Variants in NF1 observed in about 807,000 individuals in gnomAD.
The protein encoded by NF1 is neurofibromin.
NF1 carries 122 observed loss-of-function variants against 325.7 expected under a neutral mutation model. The ratio of observed to expected loss-of-function variants is 0.37; its 90% CI spans 0.32 to 0.44. NF1 has a LOEUF of 0.44. Ranked by LOEUF, NF1 falls within the 20% of genes least tolerant of loss-of-function variation. NF1 has a pLI of 1.00. For synonymous variants in NF1, 1,091 were observed against 1,186.0 expected (o/e 0.92, Z 1.65); for missense variants, 2,140 against 3,415.4 (o/e 0.63, Z 9.31).
At chr17:31,359,290 G>C (rs2070347714) in intron 56 of NF1, 1 of 439,922 alleles carries the variant, frequency 2.3e-6, no homozygotes. Flanking sequence ...TTCTGCCACA[G>C]TCCCTTGTGT....
intron 8 of NF1, among the ~76,000 whole-genome samples, chr17:31,196,821 C>G (rs887698194): frequency 2.6e-5 from 4 of 152,124 alleles, no homozygotes; most frequent in Non-Finnish European, 5.9e-5. Flanking sequence ...ATGGTCTTAG[C>G]ATCTTTGTCA....
chr17:31,285,351 C>G (rs890294700), intron 36 of NF1, among the ~76,000 whole-genome samples: 1 of 150,720 alleles, frequency 6.6e-6, no homozygotes, highest in Admixed American at 6.6e-5. Context: ...GAACGTTGTT[C>G]ATCTCAGAAG....
chr17:31,280,941 A>G (rs1292276638), intron 36 of NF1, among the ~76,000 whole-genome samples: 1 of 152,120 alleles, frequency 6.6e-6, no homozygotes, highest in Non-Finnish European at 1.5e-5. Context: ...TGGAAAATCA[A>G]TATTGATTGC....
intron 52 of NF1, 105 bp downstream of exon 52, chr17:31,356,687 T>C (rs922820299): frequency 2.4e-5 from 36 of 1,491,044 alleles, no homozygotes; most frequent in Non-Finnish European, 3.2e-5. Context: ...GAGTGAAATA[T>C]AGAAACGTTT....
Position 31,206,236 on chromosome 17 carries a change from C to G in NF1, c.1261-4C>G, listed in dbSNP as rs587781820. On this transcript the variant is annotated splice_region_variant and splice_polypyrimidine_tract_variant and intron_variant, in intron 11 of 57. Coordinates refer to ENST00000358273, the MANE Select transcript of NF1 (RefSeq NM_001042492.3). ...TCTTCCTATTGGTCTTTGTTTTTCT[C>G]TAGTCCGCATTGGATTGGTGGCCTA... The G allele has an allele frequency of 1.9e-6, 3 of 1,613,608 alleles. No individual in the cohort carries two copies. The highest frequency in any genetic ancestry group is 2.2e-5 in the East Asian group (1 of 44,874).
chr17:31,205,007 C>T (rs1240167506), intron 11 of NF1, among the ~76,000 whole-genome samples: 1 of 152,098 alleles, frequency 6.6e-6, no homozygotes, highest in Non-Finnish European at 1.5e-5. Context: ...ATGTAAACAA[C>T]CATACTGTCC....
chr17:31,358,303 A>G (rs2070320242), intron 54 of NF1, 177 bp from the exon 55 acceptor site: 2 of 645,466 alleles, frequency 3.1e-6, no homozygotes, highest in African/African-American at 3.7e-5. Context: ...ACAGACACAC[A>G]CACATGTTCA....
At chr17:31,185,064 T>G (rs1017054867) in intron 8 of NF1, among the ~76,000 whole-genome samples, 1 of 152,206 alleles carries the variant, frequency 6.6e-6, no homozygotes, top group Non-Finnish European at 1.5e-5. Flanking sequence ...CCCTGAGCCA[T>G]GCTGCCATCA....
chr17:31,239,123 G>A (rs773785866), intron 29 of NF1, among the ~76,000 whole-genome samples: 1 of 152,200 alleles, frequency 6.6e-6, no homozygotes, highest in Non-Finnish European at 1.5e-5. Context: ...AGATGTATTG[G>A]AACTTTGAAA....
rs142867979 is a variant in NF1, at chr17:31,327,611, T to C, written c.5381T>C (p.Val1794Ala). 4 of 1,614,166 alleles carry C rather than the reference T, an allele frequency of 2.5e-6. No individual in the cohort carries two copies. The highest frequency in any genetic ancestry group is 3.4e-6 in the Non-Finnish European group (4 of 1,180,022). Residue 1794 changes from valine to alanine, a missense_variant, in exon 38 of 58, where the codon GTA becomes GCA. This residue lies in a region of NF1 where 147 missense variants were observed against 186.7 expected (regional missense o/e 0.79). Coordinates refer to ENST00000358273, the MANE Select transcript of NF1 (RefSeq NM_001042492.3). ...TCGGAAATTGAAGAAATCTGCCTAG[T>C]AGATGAGAACCAGTTCACCTTAACC... is the stretch of plus-strand genomic sequence containing the variant. ...YASEIEEICL[V>A]DENQFTLTIA...
At chr17:31,318,813 T>C (rs1184198478) in intron 36 of NF1, 4 of 1,614,036 alleles carry the variant, frequency 2.5e-6, no homozygotes, top group East Asian at 2.2e-5. Context: ...TATAATCTAC[T>C]TCAGGAGTTA....
At chr17:31,277,839 A>G (rs1223423535) in intron 36 of NF1, among the ~76,000 whole-genome samples, 1 of 152,198 alleles carries the variant, frequency 6.6e-6, no homozygotes, top group East Asian at 1.9e-4. Context: ...GTAGTATCAC[A>G]CTGTCTCTTA....
intron 29 of NF1, among the ~76,000 whole-genome samples, chr17:31,243,573 T>A (rs1462208908): frequency 6.6e-6 from 1 of 150,666 alleles, no homozygotes; most frequent in Non-Finnish European, 1.5e-5. Context: ...AGCAGAGGAG[T>A]CTTTTCCCAT....
chr17:31,242,920 A>G (rs2067325045), intron 29 of NF1, among the ~76,000 whole-genome samples: 1 of 151,972 alleles, frequency 6.6e-6, no homozygotes, highest in South Asian at 2.1e-4. Flanking sequence ...GCTTGTTTGT[A>G]CCCACCCTTC....
intron 36 of NF1, among the ~76,000 whole-genome samples, chr17:31,283,424 CA>C (rs199723798): frequency 5.4e-4 from 60 of 110,946 alleles, no homozygotes; most frequent in African/African-American, 2.1e-3. Context: ...CTCAAAAAAA[CA>C]AACAAAAAAA....
chr17:31,095,289 C>T lies in NF1; in HGVS notation c.-21C>T, dbSNP rs1020785815. 3 of 1,534,674 alleles carry T rather than the reference C, an allele frequency of 2.0e-6. No individual in the cohort carries two copies. The highest frequency in any genetic ancestry group is 2.7e-5 in the African/African-American group (2 of 72,768). ...CGCCGGCCCACCCTTCCCTCCGCCG[C>T]CCCCCGGCCGCGGGGAGGACATGGC... On this transcript the variant is annotated 5_prime_UTR_variant, in exon 1 of 58. Coordinates refer to ENST00000358273, the MANE Select transcript of NF1 (RefSeq NM_001042492.3).
At position 31,336,906 on chromosome 17, in the gene NF1, A is replaced by G. The variant is rs2069691207; in HGVS notation, c.6419A>G (p.His2140Arg). The part of the protein sequence containing the change: ...IHSLCTCSQL[H>R]FSEETKQVLR... The stretch of plus-strand genomic sequence containing the variant: ...TCTCTGTGTACTTGTTCACAGCTTC[A>G]TTTTAGTGGTAAGTTCTAGGAAAGG... The change falls in exon 42 of 58, where the codon CAT (histidine) becomes CGT (arginine). Residue 2140 changes from histidine to arginine, a missense_variant. His to Arg is a conservative substitution (Grantham distance 29). Around this residue, in one of 10 missense-constraint regions of NF1, gnomAD observed 180 missense variants for 435.1 expected, o/e 0.41. Transcript: ENST00000358273. The surrounding 1 kb of genome is among the most constrained non-coding windows in gnomAD (Gnocchi z 5.5). 6.2e-7 allele frequency: 1 copy of G among 1,609,996 alleles called. No homozygotes were observed. Among genetic ancestry groups the G allele is most frequent in the South Asian group, 1.1e-5 (1 of 91,064 alleles).
In NF1 at chr17:31,337,816, T is replaced by A. The variant is rs1326745383; in HGVS notation, c.6643-3T>A. On this transcript the variant is annotated splice_region_variant and splice_polypyrimidine_tract_variant and intron_variant, in intron 43 of 57. Coordinates refer to ENST00000358273, the MANE Select transcript of NF1 (RefSeq NM_001042492.3). ...TATGTATTCAGAGTATCCCCTTTTT[T>A]AGGCATGCATGAGAGATATTCCAAC... The A allele has an allele frequency of 1.2e-6, 2 of 1,613,650 alleles. No individual in the cohort carries two copies. Among genetic ancestry groups the A allele is most frequent in the East Asian group, 2.2e-5 (1 of 44,878 alleles).
At position 31,229,293 on chromosome 17, in the gene NF1, A is replaced by G. The variant is rs1597715604; in HGVS notation, c.2678A>G (p.Lys893Arg). ...GGAAACGCAGATACACCTGTCAGCAAATTTATGGATCGGCTGTTGTCCTTA... is the reference window on the plus strand; with the variant it reads ...GGAAACGCAGATACACCTGTCAGCAGATTTATGGATCGGCTGTTGTCCTTA... ...SEGNADTPVSKFMDRLLSLMV... is the reference protein window; with the variant it reads ...SEGNADTPVSRFMDRLLSLMV... The change falls in exon 21 of 58, where the codon AAA becomes AGA. Residue 893 changes from lysine to arginine, a missense_variant. Around this residue, in one of 10 missense-constraint regions of NF1, gnomAD observed 380 missense variants for 639.3 expected, o/e 0.59. Transcript: ENST00000358273. 3 of 1,613,942 alleles carry G rather than the reference A, an allele frequency of 1.9e-6. No homozygotes were observed. Among genetic ancestry groups the G allele is most frequent in the Non-Finnish European group, 2.5e-6 (3 of 1,179,850 alleles).
Sources: allele counts gnomAD v4.1 joint callset (sites outside exome capture counted in the v4.1 genomes callset), GRCh38; gene constraint gnomAD v4.1.1; regional missense constraint gnomAD v4.1.1; non-coding constraint Gnocchi (gnomAD v3.1); transcripts MANE v1.5; gene names NCBI Gene and HGNC (gene_info 2026-07-23, HGNC 2026-07-21).